The following PRKACB variants were observed in gnomAD, a reference collection of about 807,000 sequenced individuals.
PRKACB encodes protein kinase cAMP-activated catalytic subunit beta, also known as cAMP-dependent protein kinase catalytic subunit beta.
Under a neutral mutation model 51.4 loss-of-function variants are expected in PRKACB, and 16 were observed. That is an observed-to-expected ratio of 0.31 (90% CI 0.21 to 0.47). The LOEUF (loss-of-function observed/expected upper bound fraction) is 0.47, where lower values mean the gene tolerates loss of function less well. Among genes scored for constraint, PRKACB ranks in the 20% least tolerant of loss-of-function variants. The pLI is 1.00. For synonymous variants in PRKACB, 147 were observed against 154.4 expected (o/e 0.95, Z 0.35); for missense variants, 309 against 464.5 (o/e 0.67, Z 3.08).
intron 9 of PRKACB, among the ~76,000 whole-genome samples, chr1:84,223,027 G>T (rs901590793): frequency 5.9e-5 from 9 of 152,070 alleles, no homozygotes; most frequent in Admixed American, 5.2e-4. Flanking sequence ...TGATGTTTGA[G>T]CTTCCTGTAT....
intron 1 of PRKACB, among the ~76,000 whole-genome samples, chr1:84,101,010 T>G (rs771936746): frequency 6.6e-6 from 1 of 152,188 alleles, no homozygotes; most frequent in Non-Finnish European, 1.5e-5. Flanking sequence ...TTTCTCCTTA[T>G]TATAATCTTT....
chr1:84,214,147 G>A lies in PRKACB; in HGVS notation c.907-6G>A, dbSNP rs950860612. The A allele has an allele frequency of 4.4e-6, 7 of 1,603,550 alleles. No homozygotes were observed. The Admixed American group carries it at 8.7e-5, about 20-fold the overall frequency. On this transcript the variant is annotated splice_polypyrimidine_tract_variant and splice_region_variant and intron_variant, in intron 8 of 9. Coordinates refer to ENST00000370685, the MANE Select transcript of PRKACB (RefSeq NM_182948.4). ...GTGTGTTTTACCAAATGGTGTGTTT[G>A]TGTAGGTCCGATTCCCATCCCACTT...
intron 1 of PRKACB, among the ~76,000 whole-genome samples, chr1:84,160,723 A>G (rs1656075696): frequency 6.6e-6 from 1 of 151,138 alleles, no homozygotes; most frequent in South Asian, 2.1e-4. Context: ...ATTTACCTCA[A>G]AATATTTTCT....
At chr1:84,219,364 A>G in intron 9 of PRKACB, among the ~76,000 whole-genome samples, 1 of 151,744 alleles carries the variant, frequency 6.6e-6, no homozygotes, top group Middle Eastern at 3.2e-3. Context: ...AGCTGGGATT[A>G]CAGGTGCCCA....
At chr1:84,186,110 G>A (rs1283845568) in intron 5 of PRKACB, among the ~76,000 whole-genome samples, 2 of 152,120 alleles carry the variant, frequency 1.3e-5, no homozygotes, top group Non-Finnish European at 2.9e-5. Flanking sequence ...GGTCAGACTC[G>A]TCTAAGAGTC....
rs556857751 is a variant in PRKACB at position 84,189,108 on chromosome 1, C to T, written c.560+3926C>T. Among the ~76,000 whole-genome samples, 18 of 151,880 alleles carry T rather than the reference C, an allele frequency of 1.2e-4. No homozygotes were observed. The South Asian group carries it at 3.7e-3, about 32-fold the overall frequency. On this transcript the variant is annotated intron_variant, in intron 5 of 9. Transcript: ENST00000370685. ...CAAAATGGTAAAGAAAAATCTTCTG[C>T]AGTATGCTCATTATTTCTTTTTCCC...
intron 1 of PRKACB, among the ~76,000 whole-genome samples, chr1:84,171,667 A>G (rs61360062): frequency 0.05 from 7,513 of 151,694 alleles, 241 homozygotes; most frequent in Middle Eastern, 0.1. Flanking sequence ...GTTTCTGTAC[A>G]TCATTGTACT....
At chr1:84,078,324 A>G in exon 1 of PRKACB, 4 of 1,608,954 alleles carry the variant, frequency 2.5e-6, no homozygotes, top group Non-Finnish European at 3.4e-6. Flanking sequence ...ATCGCCCCAG[A>G]CATGGGGAAC....
intron 1 of PRKACB, among the ~76,000 whole-genome samples, chr1:84,121,459 T>A (rs924781006): frequency 6.6e-6 from 1 of 151,990 alleles, no homozygotes; most frequent in Non-Finnish European, 1.5e-5. Context: ...AATTGAAAAA[T>A]CCCCAAACTT....
At chr1:84,231,101 C>G (rs1406239763) in intron 9 of PRKACB, among the ~76,000 whole-genome samples, 6 of 150,838 alleles carry the variant, frequency 4.0e-5, no homozygotes, top group Admixed American at 6.6e-5. Flanking sequence ...TGAAATACGT[C>G]CCATCAATAC....
intron 5 of PRKACB, among the ~76,000 whole-genome samples, chr1:84,187,125 G>A (rs1291694176): frequency 1.3e-5 from 2 of 152,256 alleles, no homozygotes; most frequent in African/African-American, 4.8e-5. Flanking sequence ...TATAGCCATT[G>A]ACTAACATTT....
rs1572036569 is a variant in PRKACB, at chr1:84,173,479, A to G, written c.188-5698A>G. 7.3e-6 allele frequency: 6 copies of G among 825,804 alleles called. No individual in the cohort carries two copies. The East Asian group carries it at 1.1e-4, about 15-fold the overall frequency. The allele number at this position is 825,804 out of a possible 1,614,324, so 51.2% of individuals were successfully genotyped here. On this transcript the variant is annotated intron_variant, in intron 1 of 9. Coordinates refer to ENST00000370685, the MANE Select transcript of PRKACB (RefSeq NM_182948.4). ...GTTTTTACAATTCTGTTTACTGAAA[A>G]TATTTTTAGTGTGTGTGTATGTGGG...
intron 5 of PRKACB, among the ~76,000 whole-genome samples, chr1:84,186,714 G>A (rs1021859799): frequency 2.6e-5 from 4 of 152,062 alleles, no homozygotes; most frequent in South Asian, 2.1e-4. Context: ...CTTGGTGCTC[G>A]GATGGACTTG....
At chr1:84,161,390 T>A (rs1039959809) in intron 1 of PRKACB, among the ~76,000 whole-genome samples, 3 of 151,898 alleles carry the variant, frequency 2.0e-5, no homozygotes, top group Non-Finnish European at 4.4e-5. Context: ...TGTTATATAG[T>A]TTGATCTTGA....
At position 84,184,117 on chromosome 1, in the gene PRKACB, A is replaced by C. The variant is rs1351168384; in HGVS notation, c.459A>C (p.Arg153=). 6.2e-7 allele frequency: 1 copy of C among 1,605,926 alleles called. No homozygotes were observed. The highest frequency in any genetic ancestry group is 1.1e-5 in the South Asian group (1 of 89,316). The stretch of plus-strand genomic sequence containing the variant: ...CAGTGAATTTTCCTTTCCTTGTTCG[A>C]CTGGAGTATGCTTTTAAGGTAAATT... ...LQAVNFPFLV[R]LEYAFKDNSN... The change falls in exon 4 of 10, where the codon CGA becomes CGC. Residue 153 remains arginine, a synonymous_variant. Coordinates refer to ENST00000370685, the MANE Select transcript of PRKACB (RefSeq NM_182948.4).
At chr1:84,141,771 C>A (rs955770804), upstream of PRKACB, among the ~76,000 whole-genome samples, 1 of 151,850 alleles carries the variant, frequency 6.6e-6, no homozygotes, top group African/African-American at 2.4e-5. Flanking sequence ...TGAAATGTTA[C>A]GATTAGTTTG....
chr1:84,164,867 T>G (rs1401325297), intron 1 of PRKACB: 4 of 1,381,274 alleles, frequency 2.9e-6, no homozygotes, highest in Non-Finnish European at 3.8e-6. Flanking sequence ...AAAAGAAAGC[T>G]CTTTTCGTTT....
chr1:84,101,100 A>C (rs1381452888), intron 1 of PRKACB, among the ~76,000 whole-genome samples: 1 of 152,216 alleles, frequency 6.6e-6, no homozygotes, highest in Non-Finnish European at 1.5e-5. Context: ...AGTAGGATAT[A>C]TCGGAAGAGA....
chr1:84,133,829 T>C (rs1218030664), intron 1 of PRKACB, among the ~76,000 whole-genome samples: 1 of 152,142 alleles, frequency 6.6e-6, no homozygotes, highest in African/African-American at 2.4e-5. Context: ...CAGTACTCTT[T>C]TAGCTTTGCC....
Sources: gnomAD v4.1 joint callset for allele counts (sites outside exome capture counted in the v4.1 genomes callset) on GRCh38, gnomAD v4.1.1 for gene constraint, MANE v1.5 for transcripts, NCBI Gene and HGNC (gene_info 2026-07-23, HGNC 2026-07-21) for gene names.